The following PRKCG variants were observed in gnomAD, a reference collection of about 807,000 sequenced individuals.
The protein encoded by PRKCG is protein kinase C gamma type.
Under a neutral mutation model 82.0 loss-of-function variants are expected in PRKCG, and 28 were observed. That is an observed-to-expected ratio of 0.34 (90% confidence interval 0.25 to 0.47). The LOEUF is 0.47. Ranked by LOEUF, PRKCG falls within the 20% of genes least tolerant of loss-of-function variation. The pLI is 1.00. For synonymous variants in PRKCG, 383 were observed against 376.6 expected (o/e 1.02, Z -0.20); for missense variants, 640 against 952.7 (o/e 0.67, Z 4.32).
At position 53,892,424 on chromosome 19, in the gene PRKCG, T is replaced by C. The variant is rs915943041; in HGVS notation, c.687-85T>C. ...GAGAGGAGCCCCAGCTGGCTGGGTTTGCCCCCACCTCCAGCACCAAGGATG... is the reference window on the plus strand; with the variant it reads ...GAGAGGAGCCCCAGCTGGCTGGGTTCGCCCCCACCTCCAGCACCAAGGATG... On this transcript the variant is annotated intron_variant, in intron 6 of 17. Transcript: ENST00000263431. This position sits in a 1 kb window ranked among gnomAD's most constrained non-coding sequence, Gnocchi z 5.9. 1.6e-4 allele frequency: 249 copies of C among 1,549,460 alleles called. No individual in the cohort carries two copies. The East Asian group carries it at 5.9e-3, about 37-fold the overall frequency.
chr19:53,905,952 G>GTC (rs1029473371), intron 16 of PRKCG, among the ~76,000 whole-genome samples: 25 of 120,792 alleles, frequency 2.1e-4, no homozygotes, highest in African/African-American at 5.5e-4. Context: ...CTCACCCTCT[G>GTC]TCTCTCTCTC....
intron 9 of PRKCG, among the ~76,000 whole-genome samples, chr19:53,894,056 C>T (rs1424768099): frequency 2.6e-5 from 4 of 151,022 alleles, no homozygotes; most frequent in African/African-American, 9.7e-5. Context: ...TGCGCCCGAC[C>T]GATTCTTGAG....
intron 11 of PRKCG, among the ~76,000 whole-genome samples, 161 bp downstream of exon 11, chr19:53,898,789 G>GGGGGTCCTTGGGGGGC (rs1191807586): frequency 8.8e-6 from 1 of 113,576 alleles, no homozygotes; most frequent in African/African-American, 3.9e-5. Context: ...GGCCGGGGGG[G>GGGGGTCCTTGGGGGGC]GGTCCTTGGG....
rs539966158 is a variant in PRKCG, at chr19:53,892,960, C to T, written c.822-28C>T. 1 of 1,607,582 alleles carries T rather than the reference C, an allele frequency of 6.2e-7. No individual in the cohort carries two copies. The highest frequency in any genetic ancestry group is 1.3e-5 in the African/African-American group (1 of 74,900). On this transcript the variant is annotated intron_variant, in intron 7 of 17. Coordinates refer to ENST00000263431, the MANE Select transcript of PRKCG (RefSeq NM_002739.5). This position sits in a 1 kb window ranked among gnomAD's most constrained non-coding sequence, Gnocchi z 5.9. ...CCCATGGGTGCCCCATCCCCGCTGCCCGCCTCTGGTCTCCGTCTGTATGTC... is the reference window on the plus strand; with the variant it reads ...CCCATGGGTGCCCCATCCCCGCTGCTCGCCTCTGGTCTCCGTCTGTATGTC...
chr19:53,881,151 A>T (rs939882217), upstream of PRKCG, among the ~76,000 whole-genome samples: 7 of 147,206 alleles, frequency 4.8e-5, no homozygotes, highest in Non-Finnish European at 3.0e-5. Flanking sequence ...GAGAGAGATC[A>T]ACAGAGCCAG....
Position 53,892,799 on chromosome 19 carries a change from C to CACA in PRKCG, c.821+156_821+157insACA, listed in dbSNP as rs371925741. On this transcript the variant is annotated intron_variant, in intron 7 of 17. Transcript: ENST00000263431. The surrounding 1 kb of genome is among the most constrained non-coding windows in gnomAD (Gnocchi z 5.9). ...ACACACACGCACACACACGCACACACCCCTCTCTCTCTATTCTTCTCTTCT... is the reference window on the plus strand; with the variant it reads ...ACACACACGCACACACACGCACACACACACCCTCTCTCTCTATTCTTCTCTTCT... Among the ~76,000 whole-genome samples the CACA allele has an allele frequency of 1.2e-4, 17 of 141,480 alleles. No homozygotes were observed. The highest frequency in any genetic ancestry group is 3.5e-4 in the Admixed American group (5 of 14,212). 92.8% of individuals were successfully genotyped at this position (141,480 alleles called of 152,430 possible). A position where few individuals can be genotyped will look rare whatever the true frequency, so the allele number is the denominator to read the frequency against.
chr19:53,907,089 C>T lies in PRKCG; in HGVS notation c.*194C>T, dbSNP rs2145890245. 6 of 1,290,870 alleles carry T rather than the reference C, an allele frequency of 4.6e-6. No individual in the cohort carries two copies. Among genetic ancestry groups the T allele is most frequent in the Non-Finnish European group, 6.3e-6 (6 of 949,840 alleles). The allele number at this position is 1,290,870 out of a possible 1,614,324, so 80.0% of individuals were successfully genotyped here. On this transcript the variant is annotated 3_prime_UTR_variant, in exon 18 of 18. Transcript: ENST00000263431. ...CTGAACTCCATACAGCCTCTACAGC[C>T]GTCCCGCGTTCAAGACTTGAGCGGA...
chr19:53,882,810 A>T lies in PRKCG; in HGVS notation c.170+146A>T. 1 of 1,211,414 alleles carries T rather than the reference A, an allele frequency of 8.3e-7. No homozygotes were observed. The highest frequency in any genetic ancestry group is 1.1e-6 in the Non-Finnish European group (1 of 891,220). 75.0% of individuals were successfully genotyped at this position (1,211,414 alleles called of 1,614,324 possible). On this transcript the variant is annotated intron_variant, in intron 1 of 17. Transcript: ENST00000263431. The surrounding 1 kb of genome is among the most constrained non-coding windows in gnomAD (Gnocchi z 6.1). ...TGGCCAGGGAACGCTGGGAGCTTCGACTCCTGGGTTTCAGTGAGGAGGAGG... is the reference window on the plus strand; with the variant it reads ...TGGCCAGGGAACGCTGGGAGCTTCGTCTCCTGGGTTTCAGTGAGGAGGAGG...
chr19:53,904,198 C>G (rs1199615025), intron 15 of PRKCG, among the ~76,000 whole-genome samples: 1 of 151,748 alleles, frequency 6.6e-6, no homozygotes, highest in African/African-American at 2.4e-5. Context: ...GAGTTTGAGA[C>G]CAGCCTGGCC....
Position 53,907,286 on chromosome 19 carries a change from G to T in PRKCG, c.*391G>T. On this transcript the variant is annotated 3_prime_UTR_variant, in exon 18 of 18. Coordinates refer to ENST00000263431, the MANE Select transcript of PRKCG (RefSeq NM_002739.5). ...TAGCCTCACGGGGTTGGCTGTTCCA[G>T]ACTCAGGTTCCAGAACAGCCCTCGG... 1 of 318,232 alleles carries T rather than the reference G, an allele frequency of 3.1e-6. No individual in the cohort carries two copies. Among genetic ancestry groups the T allele is most frequent in the Non-Finnish European group, 6.1e-6 (1 of 164,724 alleles). The allele number at this position is 318,232 out of a possible 1,614,324, so 19.7% of individuals were successfully genotyped here. A position where few individuals can be genotyped will look rare whatever the true frequency, so the allele number is the denominator to read the frequency against.
At chr19:53,890,265 T>C (rs2068664054) in intron 5 of PRKCG, among the ~76,000 whole-genome samples, 1 of 152,076 alleles carries the variant, frequency 6.6e-6, no homozygotes, top group Non-Finnish European at 1.5e-5. Flanking sequence ...TGACTTTCTT[T>C]TTTTTTTTGG....
In PRKCG at chr19:53,882,311, C is replaced by A; in HGVS notation, c.-184C>A. On this transcript the variant is annotated 5_prime_UTR_variant, in exon 1 of 18. Coordinates refer to ENST00000263431, the MANE Select transcript of PRKCG (RefSeq NM_002739.5). This position sits in a 1 kb window ranked among gnomAD's most constrained non-coding sequence, Gnocchi z 6.1. ...ACTCGCCCGCTCCCCCTGGCGGAGCCGGCGCGCCCGGGGTGCCGCTCCCTG... is the reference window on the plus strand; with the variant it reads ...ACTCGCCCGCTCCCCCTGGCGGAGCAGGCGCGCCCGGGGTGCCGCTCCCTG... The A allele has an allele frequency of 1.2e-6, 1 of 846,996 alleles. No individual in the cohort carries two copies. Among genetic ancestry groups the A allele is most frequent in the Non-Finnish European group, 1.8e-6 (1 of 550,374 alleles). The allele number at this position is 846,996 out of a possible 1,614,324, so 52.5% of individuals were successfully genotyped here. A position where few individuals can be genotyped will look rare whatever the true frequency, so the allele number is the denominator to read the frequency against.
chr19:53,883,202 C>T lies in PRKCG; in HGVS notation c.202+8C>T. The T allele has an allele frequency of 6.2e-7, 1 of 1,613,882 alleles. No individual in the cohort carries two copies. Among genetic ancestry groups the T allele is most frequent in the Non-Finnish European group, 8.5e-7 (1 of 1,179,950 alleles). ...AGGGCCTGCAATGTCAAGGTAAGAG[C>T]TGGGGACCGGGGCTCCTGGGACCCT... On this transcript the variant is annotated splice_region_variant and intron_variant, in intron 2 of 17. Transcript: ENST00000263431. The surrounding 1 kb of genome is among the most constrained non-coding windows in gnomAD (Gnocchi z 5.4).
chr19:53,886,530 A>T (rs1230488315), intron 3 of PRKCG, among the ~76,000 whole-genome samples: 1 of 152,068 alleles, frequency 6.6e-6, no homozygotes, highest in Non-Finnish European at 1.5e-5. Context: ...CAGCTTCTCA[A>T]GTAGCTGGGA....
In PRKCG at chr19:53,906,688, T is replaced by A. The variant is rs1035929546; in HGVS notation, c.1906-19T>A. The A allele has an allele frequency of 6.8e-6, 11 of 1,611,214 alleles. No individual in the cohort carries two copies. The African/African-American group carries it at 1.1e-4, about 16-fold the overall frequency. On this transcript the variant is annotated intron_variant, in intron 17 of 17. Transcript: ENST00000263431. Reference sequence around the variant, plus strand: ...GCCCTCGGAGCTGCTTAACTTTCCCTCCCCCACGTCTCCCACAGTGTGGCC... The same window carrying A: ...GCCCTCGGAGCTGCTTAACTTTCCCACCCCCACGTCTCCCACAGTGTGGCC...
chr19:53,899,461 A>G (rs2068746441), intron 11 of PRKCG, among the ~76,000 whole-genome samples: 1 of 152,176 alleles, frequency 6.6e-6, no homozygotes. Context: ...TTATTTCCTT[A>G]GGATTGCGAC....
chr19:53,902,043 T>C (rs1254793800), intron 14 of PRKCG, among the ~76,000 whole-genome samples: 1 of 152,078 alleles, frequency 6.6e-6, no homozygotes, highest in Non-Finnish European at 1.5e-5. Flanking sequence ...CTTGGGAGGA[T>C]GTGCCTGACT....
At chr19:53,882,126 G>C, upstream of PRKCG, 1 of 306,182 alleles carries the variant, frequency 3.3e-6, no homozygotes, top group South Asian at 2.6e-5. The surrounding 1 kb of genome is among the most constrained non-coding windows in gnomAD (Gnocchi z 6.1). Flanking sequence ...TCTCCGGGAG[G>C]GGAGCGCCTT....
intron 5 of PRKCG, among the ~76,000 whole-genome samples, chr19:53,890,446 CG>C (rs1168601072): frequency 3.3e-5 from 5 of 150,146 alleles, no homozygotes; most frequent in Non-Finnish European, 5.9e-5. Flanking sequence ...TTAGTACAAA[CG>C]GGGTTTCACC....
Sources: gnomAD v4.1 joint callset for allele counts (sites outside exome capture counted in the v4.1 genomes callset) on GRCh38, gnomAD v4.1.1 for gene constraint, Gnocchi (gnomAD v3.1) non-coding constraint, MANE v1.5 for transcripts, NCBI Gene and HGNC (gene_info 2026-07-23, HGNC 2026-07-21) for gene names.